The following TG variants were observed in gnomAD, a reference collection of about 807,000 sequenced individuals.
TG encodes thyroglobulin, also known as thyroid hormones.
In TG, 270 loss-of-function variants were observed where a neutral mutation model predicts 324.7. That is an observed-to-expected ratio of 0.83 (90% CI 0.75 to 0.92). The LOEUF (loss-of-function observed/expected upper bound fraction) is 0.92. TG is among the 40% of genes least tolerant of loss of function. TG has a pLI of 0.00. For synonymous variants in TG, 1,401 were observed against 1,327.0 expected, an observed-to-expected ratio of 1.06 and a Z score of -1.21; for missense variants, 3,591 against 3,456.4, an observed-to-expected ratio of 1.04 and a Z score of -0.98.
At chr8:133,048,269 A>G (rs1023515140) in intron 41 of TG, among the ~76,000 whole-genome samples, 4 of 152,072 alleles carry the variant, frequency 2.6e-5, no homozygotes, top group Admixed American at 2.0e-4. Flanking sequence ...CACCCAGACT[A>G]GAGAACAGTG....
At chr8:133,080,687 G>A (rs1845611791) in intron 41 of TG, among the ~76,000 whole-genome samples, 1 of 152,164 alleles carries the variant, frequency 6.6e-6, no homozygotes. Flanking sequence ...CCATGGCAAT[G>A]TCAGCACTCA....
Position 132,897,804 on chromosome 8 carries a change from C to T in TG, c.3139+18C>T, listed in dbSNP as rs999036348. 15 of 1,613,918 alleles carry T rather than the reference C, an allele frequency of 9.3e-6. No individual in the cohort carries two copies. The highest frequency in any genetic ancestry group is 6.7e-5 in the Admixed American group (4 of 60,026). On this transcript the variant is annotated intron_variant, in intron 12 of 47. Transcript: ENST00000220616. ...TGGGACTGGTAAGGAGGGATAGGCA[C>T]CTTCAGGTGGCCAAGTGACACCCCT...
intron 34 of TG, among the ~76,000 whole-genome samples, chr8:132,981,920 A>C: frequency 6.6e-6 from 1 of 152,198 alleles, no homozygotes; most frequent in East Asian, 1.9e-4. Context: ...AAAGTGAAGA[A>C]GGCAGAGAAG....
chr8:132,964,623 G>A (rs1828272776), intron 29 of TG: 2 of 413,128 alleles, frequency 4.8e-6, no homozygotes, highest in Non-Finnish European at 8.7e-6. Context: ...TTTAAGGAGG[G>A]CACATAGTTT....
Position 132,869,846 on chromosome 8 carries a change from G to C in TG, c.274+20G>C. ...TGGCTTGTAAGTGGGAGTGGGGGAC[G>C]TCCCTTGGAGGGACCCTGCTAGGAC... On this transcript the variant is annotated intron_variant, in intron 3 of 47. Transcript: ENST00000220616. 6.2e-7 allele frequency: 1 copy of C among 1,607,836 alleles called. No homozygotes were observed. The highest frequency in any genetic ancestry group is 8.5e-7 in the Non-Finnish European group (1 of 1,175,320).
intron 41 of TG, among the ~76,000 whole-genome samples, chr8:133,072,649 C>G (rs1031332871): frequency 6.6e-6 from 1 of 152,202 alleles, no homozygotes; most frequent in Non-Finnish European, 1.5e-5. Context: ...CCAGCAGCAT[C>G]TATTAATGCA....
chr8:132,907,497 C>T (rs1818861573), intron 17 of TG, among the ~76,000 whole-genome samples: 1 of 152,128 alleles, frequency 6.6e-6, no homozygotes, highest in Non-Finnish European at 1.5e-5. Flanking sequence ...GCACTTGGTC[C>T]ACCCGGTGCA....
rs765980140 is a variant in TG, at chr8:132,886,876, C to T, written c.1504C>T (p.Gln502Ter). 6.2e-7 allele frequency: 1 copy of T among 1,614,168 alleles called. No individual in the cohort carries two copies. The highest frequency in any genetic ancestry group is 2.2e-5 in the East Asian group (1 of 44,876). ...CACATTTAACTTCAGTCAATTTTTC[C>T]AGCAACTTGGTCTTGCAAGCTTCTT... ...RGTFNFSQFF[Q>*]QLGLASFLNG... The change falls in exon 9 of 48, where the codon CAG (glutamine) becomes TAG (stop). Residue 502 changes from glutamine to a stop codon, truncating the protein, a stop_gained. Coordinates refer to ENST00000220616, the MANE Select transcript of TG (RefSeq NM_003235.5). LOFTEE classifies it high-confidence loss of function.
chr8:133,042,639 A>C (rs1394830736), intron 41 of TG, among the ~76,000 whole-genome samples: 1 of 147,454 alleles, frequency 6.8e-6, no homozygotes, highest in African/African-American at 2.5e-5. Flanking sequence ...GCTAGATGTC[A>C]ATTCAAACCC....
chr8:132,868,549 T>G (rs1353146788), intron 2 of TG, among the ~76,000 whole-genome samples: 2 of 152,188 alleles, frequency 1.3e-5, no homozygotes, highest in Non-Finnish European at 2.9e-5. Context: ...TGGGGCAGGT[T>G]GAGGAGAGTG....
chr8:133,102,481 C>T (rs1211699348), intron 43 of TG: 9 of 1,382,420 alleles, frequency 6.5e-6, no homozygotes, highest in South Asian at 6.2e-5. Context: ...TGAAGACCCT[C>T]CCCCACATAC....
Position 133,133,628 on chromosome 8 carries a change from C to A in TG, c.8156C>A (p.Ser2719Tyr), listed in dbSNP as rs772485045. The A allele has an allele frequency of 6.2e-7, 1 of 1,614,164 alleles. No individual in the cohort carries two copies. The highest frequency in any genetic ancestry group is 8.5e-7 in the Non-Finnish European group (1 of 1,180,018). Residue 2719 changes from serine to tyrosine, a missense_variant, in exon 47 of 48, where the codon TCC becomes TAC. By Grantham distance (144) the Ser-to-Tyr change is moderately radical (BLOSUM62 -2). Coordinates refer to ENST00000220616, the MANE Select transcript of TG (RefSeq NM_003235.5). ...GLKKADCSFW[S>Y]KYISSLKTSA... ...AAGAAAGCCGACTGCTCCTTCTGGT[C>A]CAAGTACATCTCGTCTCTGAAGACA...
chr8:132,898,723 TG>T, intron 13 of TG, 74 bp from the exon 14 acceptor site: 1 of 1,283,620 alleles, frequency 7.8e-7, no homozygotes, highest in Non-Finnish European at 1.1e-6. Flanking sequence ...CCCTTAAAGG[TG>T]GGGTCAGCCT....
chr8:132,904,864 T>C (rs1379477724), intron 16 of TG, among the ~76,000 whole-genome samples: 2 of 152,206 alleles, frequency 1.3e-5, no homozygotes, highest in Non-Finnish European at 2.9e-5. Flanking sequence ...ACCCCACTTC[T>C]TACCTATGTA....
chr8:132,920,529 T>G (rs1820954567), intron 21 of TG, among the ~76,000 whole-genome samples: 1 of 152,172 alleles, frequency 6.6e-6, no homozygotes, highest in South Asian at 2.1e-4. Context: ...ACTGGGAAAA[T>G]AGAGTGTCCT....
Position 133,022,091 on chromosome 8 carries a change from G to C in TG, c.6977G>C (p.Gly2326Ala). 1 of 1,614,138 alleles carries C rather than the reference G, an allele frequency of 6.2e-7. No homozygotes were observed. The highest frequency in any genetic ancestry group is 8.5e-7 in the Non-Finnish European group (1 of 1,180,036). The change falls in exon 40 of 48, where the codon GGC (glycine) becomes GCC (alanine). Residue 2326 changes from glycine to alanine, a missense_variant. Gly to Ala is a moderately conservative substitution (Grantham distance 60, BLOSUM62 0). Transcript: ENST00000220616. ...GACGGCTCCTTCTTGGCTGCTGTTG[G>C]CAACCTCATCGTGGTCACTGCCAGC... ...AIDGSFLAAVGNLIVVTASYR... is the reference protein window; with the variant it reads ...AIDGSFLAAVANLIVVTASYR...
chr8:133,018,342 A>G (rs1835249496), intron 38 of TG, among the ~76,000 whole-genome samples: 1 of 152,142 alleles, frequency 6.6e-6, no homozygotes, highest in Non-Finnish European at 1.5e-5. Context: ...AGGCTGTGAA[A>G]TAATTGACAG....
chr8:132,950,560 G>A (rs922191223), intron 27 of TG, among the ~76,000 whole-genome samples: 43 of 152,138 alleles, frequency 2.8e-4, no homozygotes, highest in Non-Finnish European at 5.9e-4. Context: ...GTGCTTCCTC[G>A]ACTACAGAGC....
rs906453898 is a variant in TG, at chr8:132,919,302, C to A, written c.4379-74C>A. The A allele has an allele frequency of 4.0e-6, 6 of 1,497,156 alleles. No individual in the cohort carries two copies. The Admixed American group carries it at 1.1e-4, about 28-fold the overall frequency. The allele number at this position is 1,497,156 out of a possible 1,614,324, so 92.7% of individuals were successfully genotyped here. ...TGAACTGGTTTGAGGATTTTCTTTA[C>A]CCTGTGTGTTCTGGGATTGTAACTG... On this transcript the variant is annotated intron_variant, in intron 20 of 47. Coordinates refer to ENST00000220616, the MANE Select transcript of TG (RefSeq NM_003235.5).
Sources: allele counts gnomAD v4.1 joint callset (sites outside exome capture counted in the v4.1 genomes callset), GRCh38; gene constraint gnomAD v4.1.1; transcripts MANE v1.5; gene names NCBI Gene and HGNC (gene_info 2026-07-23, HGNC 2026-07-21).